The following PAPPA2 variants were observed in gnomAD, a reference collection of about 807,000 sequenced individuals.
PAPPA2 encodes pappalysin 2.
PAPPA2 carries 86 observed loss-of-function variants against 176.4 expected under a neutral mutation model. That is an observed-to-expected ratio of 0.49 (90% CI 0.41 to 0.58). The LOEUF is 0.58. PAPPA2 is among the 20% of genes least tolerant of loss of function. The probability of loss-of-function intolerance (pLI) is 0.00; values close to 1 mark genes in which losing one functional copy is unlikely to be tolerated. For synonymous variants in PAPPA2, 809 were observed against 852.2 expected (o/e 0.95, Z 0.88); for missense variants, 2,073 against 2,256.9 (o/e 0.92, Z 1.65).
At chr1:176,791,977 G>A (rs902703710) in intron 19 of PAPPA2, among the ~76,000 whole-genome samples, 2 of 152,186 alleles carry the variant, frequency 1.3e-5, no homozygotes, top group Non-Finnish European at 2.9e-5. Flanking sequence ...TTTGTGGTAT[G>A]GTTTGTAGCT....
At chr1:176,585,889 TTTTG>T (rs1653274697) in intron 2 of PAPPA2, among the ~76,000 whole-genome samples, 1 of 152,144 alleles carries the variant, frequency 6.6e-6, no homozygotes, top group Admixed American at 6.5e-5. Flanking sequence ...AATTTTTTTA[TTTTG>T]TTTAACCATC....
chr1:176,714,354 G>T (rs12139066), intron 12 of PAPPA2, among the ~76,000 whole-genome samples: 72,644 of 151,252 alleles, frequency 0.48, 18,980 homozygotes, highest in African/African-American at 0.67. Flanking sequence ...TGCCCTTTCC[G>T]ATGCAAAAAA....
chr1:176,794,270 T>C (rs1192659544), intron 20 of PAPPA2, among the ~76,000 whole-genome samples: 1 of 152,192 alleles, frequency 6.6e-6, no homozygotes, highest in East Asian at 1.9e-4. Flanking sequence ...GGGGTTCAAA[T>C]ACAATGTCAC....
intron 12 of PAPPA2, among the ~76,000 whole-genome samples, chr1:176,719,821 A>G (rs1175734074): frequency 6.6e-6 from 1 of 152,176 alleles, no homozygotes; most frequent in African/African-American, 2.4e-5. Flanking sequence ...TCTTTTGATT[A>G]TCCATTTCTG....
intron 2 of PAPPA2, among the ~76,000 whole-genome samples, chr1:176,580,202 C>A (rs1652881929): frequency 6.6e-6 from 1 of 152,156 alleles, no homozygotes; most frequent in Admixed American, 6.5e-5. Context: ...TCTGTCCTAC[C>A]TTTTACTTCT....
chr1:176,536,278 G>A (rs974485939), intron 1 of PAPPA2, among the ~76,000 whole-genome samples: 4 of 152,306 alleles, frequency 2.6e-5, no homozygotes, highest in Admixed American at 2.0e-4. Flanking sequence ...GGTAGGGTCC[G>A]GGTGAGCTTT....
intron 4 of PAPPA2, among the ~76,000 whole-genome samples, chr1:176,679,068 GA>G (rs1659452863): frequency 6.6e-6 from 1 of 151,874 alleles, no homozygotes; most frequent in Admixed American, 6.6e-5. Context: ...TATGGAACAG[GA>G]AAAAGAAGAT....
intron 3 of PAPPA2, among the ~76,000 whole-genome samples, chr1:176,637,784 C>T (rs767308382): frequency 4.6e-5 from 7 of 152,028 alleles, no homozygotes; most frequent in Non-Finnish European, 7.4e-5. Context: ...TTCTGTATTA[C>T]GAACATGTTG....
chr1:176,767,561 T>A (rs1330498759), intron 15 of PAPPA2, among the ~76,000 whole-genome samples: 2 of 152,182 alleles, frequency 1.3e-5, no homozygotes, highest in South Asian at 2.1e-4. Flanking sequence ...TCAGCCAGAA[T>A]GGTCTCCATC....
At chr1:176,757,926 A>C (rs1296058781) in intron 14 of PAPPA2, among the ~76,000 whole-genome samples, 1 of 152,208 alleles carries the variant, frequency 6.6e-6, no homozygotes, top group African/African-American at 2.4e-5. Flanking sequence ...TTTGCCCAGC[A>C]CTAGGACCCC....
intron 1 of PAPPA2, among the ~76,000 whole-genome samples, chr1:176,469,863 C>G (rs1416626892): frequency 6.6e-6 from 1 of 152,156 alleles, no homozygotes; most frequent in Non-Finnish European, 1.5e-5. Flanking sequence ...GTTCCCTGAG[C>G]TCTTTGCTCA....
At chr1:176,685,458 C>A (rs536854710) in intron 4 of PAPPA2, among the ~76,000 whole-genome samples, 2 of 152,284 alleles carry the variant, frequency 1.3e-5, no homozygotes, top group East Asian at 3.9e-4. Context: ...GGTGCAGGTA[C>A]CCATGTGTAA....
chr1:176,715,204 A>G (rs1364225671), intron 12 of PAPPA2, among the ~76,000 whole-genome samples: 1 of 152,204 alleles, frequency 6.6e-6, no homozygotes, highest in Non-Finnish European at 1.5e-5. Context: ...TAATGACACA[A>G]AAACAAAAGT....
intron 1 of PAPPA2, among the ~76,000 whole-genome samples, chr1:176,548,602 C>G (rs1273664403): frequency 6.6e-6 from 1 of 151,800 alleles, no homozygotes; most frequent in East Asian, 1.9e-4. Context: ...GTATGGTGAC[C>G]ATGAGTGAGA....
At chr1:176,824,594 C>G (rs1666783649) in intron 21 of PAPPA2, among the ~76,000 whole-genome samples, 1 of 152,048 alleles carries the variant, frequency 6.6e-6, no homozygotes, top group African/African-American at 2.4e-5. Flanking sequence ...GATGTGAAAA[C>G]CTTTGAACAA....
intron 3 of PAPPA2, among the ~76,000 whole-genome samples, chr1:176,668,547 T>C (rs1024254119): frequency 6.6e-6 from 1 of 152,222 alleles, no homozygotes; most frequent in Non-Finnish European, 1.5e-5. Flanking sequence ...ATTCTGGTCA[T>C]ATTGGTTGAG....
At chr1:176,698,953 C>T in intron 7 of PAPPA2, 147 bp from the exon 8 acceptor site, 2 of 997,398 alleles carry the variant, frequency 2.0e-6, no homozygotes, top group Non-Finnish European at 2.9e-6. Flanking sequence ...CTTACTAGTA[C>T]TTAAGATCTA....
At chr1:176,473,803 G>T (rs896284485) in intron 1 of PAPPA2, among the ~76,000 whole-genome samples, 3 of 152,184 alleles carry the variant, frequency 2.0e-5, no homozygotes, top group African/African-American at 4.8e-5. Flanking sequence ...ACGTCTTTTC[G>T]TATGCTTATT....
intron 14 of PAPPA2, among the ~76,000 whole-genome samples, chr1:176,746,344 C>G (rs1462363157): frequency 6.6e-6 from 1 of 152,138 alleles, no homozygotes; most frequent in African/African-American, 2.4e-5. Context: ...AACCTCTGTT[C>G]TCTGTGTCTT....
Sources: gnomAD v4.1 joint callset for allele counts (sites outside exome capture counted in the v4.1 genomes callset) on GRCh38, gnomAD v4.1.1 for gene constraint, MANE v1.5 for transcripts, NCBI Gene and HGNC (gene_info 2026-07-23, HGNC 2026-07-21) for gene names.